The following DOCK8 variants were observed in gnomAD, a reference collection of about 807,000 sequenced individuals.
The protein encoded by DOCK8 is dedicator of cytokinesis protein 8.
DOCK8 carries 141 observed loss-of-function variants against 245.6 expected under a neutral mutation model. The observed-to-expected ratio is 0.57, with a 90% CI of 0.50 to 0.66. The LOEUF is 0.66. Ranked by LOEUF, DOCK8 falls within the 30% of genes least tolerant of loss-of-function variation. DOCK8 has a pLI of 0.00. For synonymous variants in DOCK8, 1,168 were observed against 970.2 expected (o/e 1.20, Z -3.79); for missense variants, 2,965 against 2,603.4 (o/e 1.14, Z -3.02).
chr9:246,773 C>A (rs546225823), intron 1 of DOCK8, among the ~76,000 whole-genome samples: 1 of 151,736 alleles, frequency 6.6e-6, no homozygotes, highest in African/African-American at 2.4e-5. Context: ...TTTTTTAAAG[C>A]TTTTATTTAT....
chr9:249,186 A>G (rs1039156834), intron 1 of DOCK8, among the ~76,000 whole-genome samples: 1 of 152,208 alleles, frequency 6.6e-6, no homozygotes, highest in Admixed American at 6.5e-5. Context: ...TTTCAAGTCT[A>G]GAGATGGTCC....
At chr9:248,547 T>TTCTC (rs71317280) in intron 1 of DOCK8, among the ~76,000 whole-genome samples, 1 of 67,432 alleles carries the variant, frequency 1.5e-5, no homozygotes, top group Non-Finnish European at 3.5e-5. Flanking sequence ...CTTTCTTTCT[T>TTCTC]TCTCTCTCTC....
At chr9:343,685 A>G (rs2051722827) in intron 14 of DOCK8, among the ~76,000 whole-genome samples, 1 of 152,128 alleles carries the variant, frequency 6.6e-6, no homozygotes, top group Non-Finnish European at 1.5e-5. Context: ...CTCCTAGAGG[A>G]GATAAGCATT....
intron 1 of DOCK8, among the ~76,000 whole-genome samples, chr9:268,480 C>G (rs893899363): frequency 1.3e-5 from 2 of 152,176 alleles, no homozygotes; most frequent in Non-Finnish European, 2.9e-5. Flanking sequence ...TGACATAGGA[C>G]AACAGATCTT....
intron 4 of DOCK8, among the ~76,000 whole-genome samples, chr9:294,701 AT>A (rs1193637397): frequency 1.3e-5 from 2 of 152,246 alleles, no homozygotes; most frequent in African/African-American, 4.8e-5. Context: ...TTTATTTGTA[AT>A]TGCCAAAAAC....
intron 44 of DOCK8, among the ~76,000 whole-genome samples, chr9:448,222 AG>A (rs1477832240): frequency 2.0e-5 from 3 of 152,124 alleles, no homozygotes; most frequent in Non-Finnish European, 4.4e-5. Context: ...CCTCCTGTGT[AG>A]CTGGGACTAC....
At chr9:449,983 A>G (rs2057377539) in intron 45 of DOCK8, 56 bp downstream of exon 45, 1 of 1,590,800 alleles carries the variant, frequency 6.3e-7, no homozygotes, top group Non-Finnish European at 8.6e-7. Flanking sequence ...GGTTGTCATT[A>G]TACGTCTGCA....
At chr9:242,341 G>A (rs1364241568) in intron 1 of DOCK8, among the ~76,000 whole-genome samples, 2 of 152,146 alleles carry the variant, frequency 1.3e-5, no homozygotes, top group Non-Finnish European at 2.9e-5. Flanking sequence ...CAGAGAAGTG[G>A]AAAGGTCTAC....
chr9:425,406 C>T (rs1383934439), intron 33 of DOCK8, among the ~76,000 whole-genome samples: 3 of 151,982 alleles, frequency 2.0e-5, no homozygotes, highest in Admixed American at 6.6e-5. Context: ...GTGGCGGGCG[C>T]CTGTAGTCCC....
chr9:253,689 A>C (rs1305879953), intron 1 of DOCK8, among the ~76,000 whole-genome samples: 1 of 152,198 alleles, frequency 6.6e-6, no homozygotes, highest in Non-Finnish European at 1.5e-5. Flanking sequence ...TTGTCCCAGA[A>C]AGAGCCGTGT....
chr9:327,392 CTTTTTT>C (rs548852247), intron 8 of DOCK8, among the ~76,000 whole-genome samples: 2 of 131,792 alleles, frequency 1.5e-5, no homozygotes, highest in Non-Finnish European at 1.6e-5. Context: ...TTTCCCTCAC[CTTTTTT>C]TTTTTTTTTT....
intron 33 of DOCK8, among the ~76,000 whole-genome samples, chr9:423,107 G>A (rs1458147147): frequency 2.6e-5 from 4 of 151,768 alleles, no homozygotes; most frequent in South Asian, 4.2e-4. Context: ...TGGGAATATC[G>A]GTAATTGATG....
At chr9:240,641 C>T (rs1045610771) in intron 1 of DOCK8, among the ~76,000 whole-genome samples, 10 of 152,010 alleles carry the variant, frequency 6.6e-5, no homozygotes, top group Non-Finnish European at 1.3e-4. Flanking sequence ...ATATTTAATT[C>T]TCTATTATAT....
intron 1 of DOCK8, among the ~76,000 whole-genome samples, chr9:241,445 T>A (rs1475191453): frequency 6.6e-6 from 1 of 152,156 alleles, no homozygotes; most frequent in Admixed American, 6.5e-5. Flanking sequence ...GAGATCGAAG[T>A]TTTTTAGCTT....
At chr9:412,684 T>C (rs1264825119) in intron 28 of DOCK8, among the ~76,000 whole-genome samples, 5 of 151,898 alleles carry the variant, frequency 3.3e-5, no homozygotes, top group Non-Finnish European at 7.4e-5. Flanking sequence ...AAAGAAAAAA[T>C]ATTTAGGAAT....
intron 4 of DOCK8, among the ~76,000 whole-genome samples, chr9:298,037 A>T (rs1328889820): frequency 6.6e-6 from 1 of 152,256 alleles, no homozygotes; most frequent in African/African-American, 2.4e-5. Flanking sequence ...TGGAAGACAG[A>T]AAAGAAAGCA....
chr9:404,916 A>T lies in DOCK8; in HGVS notation c.3235-2A>T, dbSNP rs2055342213. On this transcript the variant is annotated splice_acceptor_variant, in intron 26 of 47. Coordinates refer to ENST00000432829, the MANE Select transcript of DOCK8 (RefSeq NM_203447.4). LOFTEE classifies it high-confidence loss of function. Reference sequence around the variant, plus strand: ...CATTCCTCTTTTCATTTTTCTTCCCAGCTGTCAGCCAAGCTCAGTAACCTT... The same window carrying T: ...CATTCCTCTTTTCATTTTTCTTCCCTGCTGTCAGCCAAGCTCAGTAACCTT... 6.2e-7 allele frequency: 1 copy of T among 1,614,030 alleles called. No homozygotes were observed. The highest frequency in any genetic ancestry group is 1.3e-5 in the African/African-American group (1 of 75,046).
chr9:430,440 G>C (rs146249196), intron 36 of DOCK8, among the ~76,000 whole-genome samples: 93 of 152,010 alleles, frequency 6.1e-4, no homozygotes, highest in African/African-American at 2.2e-3. Flanking sequence ...CTAGCACTTC[G>C]GGAGGCCAAG....
chr9:335,545 A>G (rs7854418), intron 11 of DOCK8, among the ~76,000 whole-genome samples: 64,169 of 151,874 alleles, frequency 0.42, 14,199 homozygotes, highest in East Asian at 0.72. Flanking sequence ...TGGTTCGTCA[A>G]TAACAAACCT....
Sources: gnomAD v4.1 joint callset for allele counts (sites outside exome capture counted in the v4.1 genomes callset) on GRCh38, gnomAD v4.1.1 for gene constraint, MANE v1.5 for transcripts, NCBI Gene and HGNC (gene_info 2026-07-23, HGNC 2026-07-21) for gene names.